The following ZFYVE9 variants were observed in gnomAD, a reference collection of about 807,000 sequenced individuals.
ZFYVE9 encodes zinc finger FYVE domain-containing protein 9.
ZFYVE9 carries 43 observed loss-of-function variants against 126.7 expected under a neutral mutation model. The observed-to-expected ratio is 0.34, with a 90% CI of 0.27 to 0.44. The LOEUF is 0.44. Ranked by LOEUF, ZFYVE9 falls within the 20% of genes least tolerant of loss-of-function variation. The probability of loss-of-function intolerance (pLI) is 1.00; values close to 1 mark genes in which losing one functional copy is unlikely to be tolerated. For missense variants in ZFYVE9, 1,476 were observed against 1,697.0 expected (o/e 0.87, Z 2.29); for synonymous variants, 521 against 597.4 (o/e 0.87, Z 1.87).
At chr1:52,251,048 TTGTTGTTGTTG>T (rs754299213) in intron 4 of ZFYVE9, among the ~76,000 whole-genome samples, 2 of 145,078 alleles carry the variant, frequency 1.4e-5, no homozygotes, top group Non-Finnish European at 3.1e-5. Context: ...GTTGTTGTTG[TTGTTGTTGTTG>T]TTGTTTGTTT....
At position 52,266,646 on chromosome 1, in the gene ZFYVE9, T is replaced by C; in HGVS notation, c.2279-9T>C. 6.3e-7 allele frequency: 1 copy of C among 1,579,234 alleles called. No homozygotes were observed. The highest frequency in any genetic ancestry group is 8.6e-7 in the Non-Finnish European group (1 of 1,164,298). ...CCATTCACATTGATTGTGTCTGTAT[T>C]TGCTTTAGCTCAAGCCTGGGAGAAC... is the stretch of plus-strand genomic sequence containing the variant. On this transcript the variant is annotated splice_polypyrimidine_tract_variant and intron_variant, in intron 5 of 18. Coordinates refer to ENST00000287727, the MANE Select transcript of ZFYVE9 (RefSeq NM_004799.4).
chr1:52,319,277 AATTG>A (rs924227812), intron 13 of ZFYVE9, among the ~76,000 whole-genome samples: 4 of 152,182 alleles, frequency 2.6e-5, no homozygotes, highest in African/African-American at 4.8e-5. Flanking sequence ...GTAGTCCCCA[AATTG>A]ATCTGTAGCT....
chr1:52,182,757 AT>A lies in ZFYVE9; in HGVS notation c.-142-33611del, dbSNP rs1345734785. Among the ~76,000 whole-genome samples the A allele has an allele frequency of 5.4e-3, 747 of 137,702 alleles. 6 individuals are homozygous for A. The highest frequency in any genetic ancestry group is 0.025 in the African/African-American group (719 of 28,522). 90.3% of individuals were successfully genotyped at this position (137,702 alleles called of 152,430 possible). Reference sequence around the variant, plus strand: ...CCAAGAATGATCAATAAAAAATAAAATAAAAAATAAAAAAAAATAAATATTT... The same window carrying A: ...CCAAGAATGATCAATAAAAAATAAAAAAAAAATAAAAAAAAATAAATATTT... On this transcript the variant is annotated intron_variant, in intron 1 of 18. Transcript: ENST00000287727.
chr1:52,332,649 T>G, intron 13 of ZFYVE9, 119 bp from the exon 14 acceptor site: 1 of 1,227,810 alleles, frequency 8.1e-7, no homozygotes, highest in Non-Finnish European at 1.1e-6. Context: ...TTGGTGGCCC[T>G]TTTTGTCACT....
At chr1:52,221,411 C>T (rs1456810034) in intron 2 of ZFYVE9, among the ~76,000 whole-genome samples, 3 of 152,112 alleles carry the variant, frequency 2.0e-5, no homozygotes, top group African/African-American at 4.8e-5. Context: ...AGGAAAGCAG[C>T]GGGGTTGAGT....
intron 13 of ZFYVE9, among the ~76,000 whole-genome samples, chr1:52,320,081 A>AT (rs34563389): frequency 0.86 from 126,932 of 146,846 alleles, 55,585 homozygotes; most frequent in Non-Finnish European, 0.93. Flanking sequence ...TAAGACCTTT[A>AT]TTTTTTTTGA....
intron 9 of ZFYVE9, among the ~76,000 whole-genome samples, chr1:52,280,112 C>T (rs1190056522): frequency 6.6e-6 from 1 of 151,402 alleles, no homozygotes; most frequent in Non-Finnish European, 1.5e-5. Context: ...CACCATGGTG[C>T]ACACCTGTAG....
In ZFYVE9 at chr1:52,243,208, ATGT is replaced by A. The variant is rs575128082; in HGVS notation, c.2178+3617_2178+3619del. 1.5e-3 allele frequency among the ~76,000 whole-genome samples: 224 copies of A among 152,320 alleles called. 1 individual carries two copies. The highest frequency in any genetic ancestry group is 6.8e-3 in the Middle Eastern group (2 of 294). On this transcript the variant is annotated intron_variant, in intron 4 of 18. Transcript: ENST00000287727. Reference sequence around the variant, plus strand: ...GCTGGGTGCCGAGCTTACACCAATGATGTTGTGCTCCCCACCCTCATGGTATGT... The same window carrying A: ...GCTGGGTGCCGAGCTTACACCAATGATGTGCTCCCCACCCTCATGGTATGT...
At chr1:52,152,857 G>C (rs1336397244) in intron 1 of ZFYVE9, among the ~76,000 whole-genome samples, 1 of 152,230 alleles carries the variant, frequency 6.6e-6, no homozygotes. Context: ...AGCAGACGTT[G>C]AAATGGATGT....
intron 1 of ZFYVE9, among the ~76,000 whole-genome samples, chr1:52,196,688 GGATT>G (rs1484458035): frequency 2.0e-5 from 3 of 152,106 alleles, no homozygotes; most frequent in African/African-American, 7.2e-5. Flanking sequence ...AAGCCTGGAA[GGATT>G]GATTATTAAT....
intron 13 of ZFYVE9, among the ~76,000 whole-genome samples, chr1:52,324,481 C>T (rs1027640688): frequency 6.6e-6 from 1 of 152,174 alleles, no homozygotes; most frequent in African/African-American, 2.4e-5. Flanking sequence ...CTCAGTGTTT[C>T]TTTCTCACTT....
At chr1:52,146,980 G>A (rs2124488584) in intron 1 of ZFYVE9, among the ~76,000 whole-genome samples, 1 of 152,188 alleles carries the variant, frequency 6.6e-6, no homozygotes, top group African/African-American at 2.4e-5. Context: ...TCTCACAAGT[G>A]GAAAAATTCC....
At chr1:52,143,396 A>T (rs1024926549) in intron 1 of ZFYVE9, among the ~76,000 whole-genome samples, 1 of 152,230 alleles carries the variant, frequency 6.6e-6, no homozygotes, top group Admixed American at 6.6e-5. Context: ...AAATGTGATT[A>T]CAGGTTATTC....
intron 2 of ZFYVE9, among the ~76,000 whole-genome samples, chr1:52,220,225 A>G (rs1422548762): frequency 6.6e-6 from 1 of 152,198 alleles, no homozygotes; most frequent in Non-Finnish European, 1.5e-5. Context: ...ATGAAGGTGG[A>G]TGCCAGGGAG....
intron 1 of ZFYVE9, chr1:52,180,390 G>A (rs188838620): frequency 2.7e-4 from 416 of 1,526,248 alleles, no homozygotes; most frequent in Admixed American, 3.7e-4. Context: ...GGTGTTTGGC[G>A]GCATTAACCT....
chr1:52,198,697 C>T (rs577300237), intron 1 of ZFYVE9, among the ~76,000 whole-genome samples: 18 of 152,216 alleles, frequency 1.2e-4, no homozygotes, highest in East Asian at 7.7e-4. Context: ...TGATTCATAA[C>T]GCTGCTTTAT....
intron 1 of ZFYVE9, among the ~76,000 whole-genome samples, chr1:52,182,263 T>C (rs1308516934): frequency 2.0e-5 from 3 of 152,162 alleles, no homozygotes; most frequent in Non-Finnish European, 4.4e-5. Flanking sequence ...CAACAGCTCA[T>C]TGAGAAGGGG....
chr1:52,179,957 GCAGT>G (rs1421190044), intron 1 of ZFYVE9: 1 of 1,064,442 alleles, frequency 9.4e-7, no homozygotes, highest in East Asian at 2.4e-5. Flanking sequence ...GCATCCTCCA[GCAGT>G]CAGTCGTGAC....
At chr1:52,316,186 A>AAAG (rs1553135420) in intron 13 of ZFYVE9, among the ~76,000 whole-genome samples, 1 of 147,124 alleles carries the variant, frequency 6.8e-6, no homozygotes, top group Admixed American at 6.8e-5. Flanking sequence ...AAAAAAAAAA[A>AAAG]AAAAGAAAAG....
Sources: allele counts gnomAD v4.1 joint callset (sites outside exome capture counted in the v4.1 genomes callset), GRCh38; gene constraint gnomAD v4.1.1; transcripts MANE v1.5; gene names NCBI Gene and HGNC (gene_info 2026-07-23, HGNC 2026-07-21).